NUP35: variants seen among roughly 807,000 people sequenced by gnomAD.
The protein encoded by NUP35 is nucleoporin 35.
In NUP35, 25 loss-of-function variants were observed where a neutral mutation model predicts 41.5. That is an observed-to-expected ratio of 0.60 (90% CI 0.44 to 0.84). The LOEUF (loss-of-function observed/expected upper bound fraction) is 0.84, where lower values mean the gene tolerates loss of function less well. Among genes scored for constraint, NUP35 ranks in the 40% least tolerant of loss-of-function variants. NUP35 has a pLI of 0.00. For synonymous variants in NUP35, 149 were observed against 130.7 expected (o/e 1.14, Z -0.96); for missense variants, 396 against 396.6 (o/e 1.00, Z 0.01).
intron 5 of NUP35, 30 bp downstream of exon 5, chr2:183,151,679 A>G (rs1213195091): frequency 1.3e-6 from 2 of 1,591,378 alleles, no homozygotes; most frequent in Non-Finnish European, 1.7e-6. Context: ...TGCCTTTTAA[A>G]AACCCCACCC....
chr2:183,121,914 T>TA (rs1161419384), upstream of NUP35, among the ~76,000 whole-genome samples: 1 of 136,566 alleles, frequency 7.3e-6, no homozygotes, highest in Non-Finnish European at 1.6e-5. Flanking sequence ...AGGCCATTCT[T>TA]TTTATTATTA....
chr2:183,142,434 T>A (rs1207026371), intron 4 of NUP35, among the ~76,000 whole-genome samples: 3 of 152,026 alleles, frequency 2.0e-5, no homozygotes, highest in Non-Finnish European at 4.4e-5. Flanking sequence ...TGAGAGATTT[T>A]CTCAAATTTT....
intron 5 of NUP35, among the ~76,000 whole-genome samples, chr2:183,157,218 A>G (rs1362758806): frequency 6.6e-6 from 1 of 152,178 alleles, no homozygotes; most frequent in Non-Finnish European, 1.5e-5. Flanking sequence ...GTAGAATCTG[A>G]GGATGGAGAA....
intron 2 of NUP35, among the ~76,000 whole-genome samples, chr2:183,128,774 A>ACGTT (rs1553528561): frequency 6.6e-6 from 1 of 152,142 alleles, no homozygotes; most frequent in Non-Finnish European, 1.5e-5. Flanking sequence ...CCTCATCAAT[A>ACGTT]CATTAATTAA....
intron 1 of NUP35, among the ~76,000 whole-genome samples, chr2:183,117,830 A>G (rs1700009608): frequency 6.6e-6 from 1 of 152,144 alleles, no homozygotes; most frequent in South Asian, 2.1e-4. Flanking sequence ...GATATATTAA[A>G]CTTATTGAAA....
chr2:183,158,329 T>C lies in NUP35; in HGVS notation c.656T>C (p.Leu219Pro). ...NWMHIRYQSK[L>P]QARKALSKDG... ...ATGCATATTCGTTATCAATCTAAAC[T>C]GCAGGCTCGGAAAGCCTTAAGCAAA... Residue 219 changes from leucine to proline, a missense_variant, in exon 7 of 9, where the codon CTG becomes CCG. Physicochemically the swap from Leu to Pro is moderately conservative, Grantham distance 98. Transcript: ENST00000295119. 6.2e-7 allele frequency: 1 copy of C among 1,609,214 alleles called. No homozygotes were observed. Among genetic ancestry groups the C allele is most frequent in the Non-Finnish European group, 8.5e-7 (1 of 1,176,830 alleles).
rs149643141 is a variant in NUP35 at position 183,129,907 on chromosome 2, TTATTATG to T, written c.212-508_212-502del. Among the ~76,000 whole-genome samples, 361 of 152,302 alleles carry T rather than the reference TTATTATG, an allele frequency of 2.4e-3. 2 individuals are homozygous for T. The highest frequency in any genetic ancestry group is 8.3e-3 in the African/African-American group (344 of 41,560). ...AGAACTTGGTCCTTTTACTACATCTTTATTATGTACTTAAATATATTTCTACTGTGAG... is the reference window on the plus strand; with the variant it reads ...AGAACTTGGTCCTTTTACTACATCTTTACTTAAATATATTTCTACTGTGAG... On this transcript the variant is annotated intron_variant, in intron 2 of 8. Transcript: ENST00000295119.
At chr2:183,152,117 A>C (rs1276829839) in intron 5 of NUP35, among the ~76,000 whole-genome samples, 1 of 85,386 alleles carries the variant, frequency 1.2e-5, no homozygotes, top group African/African-American at 5.8e-5. Context: ...ACAAACACAC[A>C]CACACACACA....
chr2:183,118,718 G>A (rs1213584409), intron 1 of NUP35: 1 of 152,164 alleles, frequency 6.6e-6, no homozygotes, highest in Non-Finnish European at 1.5e-5. Context: ...AAGAGACCAA[G>A]ACAAGTTTTA....
intron 1 of NUP35, among the ~76,000 whole-genome samples, chr2:183,124,757 G>T (rs1248940208): frequency 6.6e-6 from 1 of 152,172 alleles, no homozygotes; most frequent in Non-Finnish European, 1.5e-5. Context: ...CTGTGTTTGT[G>T]CCCCCACACG....
chr2:183,125,892 TGAG>T (rs773962115), intron 1 of NUP35, among the ~76,000 whole-genome samples: 1 of 152,206 alleles, frequency 6.6e-6, no homozygotes, highest in Non-Finnish European at 1.5e-5. Flanking sequence ...GAAATGGAAT[TGAG>T]GACATGCAGC....
At position 183,124,507 on chromosome 2, in the gene NUP35, A is replaced by G. The variant is rs1267684360; in HGVS notation, c.40+10A>G. The G allele has an allele frequency of 6.2e-7, 1 of 1,613,934 alleles. No individual in the cohort carries two copies. Among genetic ancestry groups the G allele is most frequent in the African/African-American group, 1.3e-5 (1 of 74,926 alleles). On this transcript the variant is annotated intron_variant, in intron 1 of 8. Transcript: ENST00000295119. ...CAGGGGCCCGCGTTAGGTGAGTGAA[A>G]TATTGCTTTTCCTTGCTGGCACTGC... is the stretch of plus-strand genomic sequence containing the variant.
chr2:183,155,885 A>T (rs778773424), intron 5 of NUP35, among the ~76,000 whole-genome samples: 6 of 151,940 alleles, frequency 3.9e-5, no homozygotes. Context: ...CCAGCTGTTT[A>T]TTTTTTTACT....
At chr2:183,121,912 C>A (rs1419574925), upstream of NUP35, among the ~76,000 whole-genome samples, 1 of 41,866 alleles carries the variant, frequency 2.4e-5, no homozygotes, top group Non-Finnish European at 6.6e-5. Flanking sequence ...AAAGGCCATT[C>A]TTTTTATTAT....
intron 5 of NUP35, among the ~76,000 whole-genome samples, chr2:183,151,876 A>AT (rs1253435387): frequency 6.6e-6 from 1 of 152,110 alleles, no homozygotes; most frequent in Admixed American, 6.5e-5. Flanking sequence ...ATCAATACAT[A>AT]TTACCCTGAC....
chr2:183,128,251 C>G (rs1684567742), intron 1 of NUP35, 36 bp from the exon 2 acceptor site: 1 of 1,477,074 alleles, frequency 6.8e-7, no homozygotes, highest in African/African-American at 1.4e-5. Flanking sequence ...GAAACTGTAA[C>G]AGAAAAGTCC....
rs1383815909 is a variant in NUP35 at position 183,159,484 on chromosome 2, C to G, written c.739-4C>G. The stretch of plus-strand genomic sequence containing the variant: ...ACAAAGGAGTTATTTCTTTGTTTCT[C>G]CAGAGTGTTATGGAAAGCAGTGACA... On this transcript the variant is annotated splice_polypyrimidine_tract_variant and splice_region_variant and intron_variant, in intron 7 of 8. Transcript: ENST00000295119. The G allele has an allele frequency of 6.2e-7, 1 of 1,610,512 alleles. No homozygotes were observed. The highest frequency in any genetic ancestry group is 8.5e-7 in the Non-Finnish European group (1 of 1,178,170).
intron 4 of NUP35, among the ~76,000 whole-genome samples, chr2:183,141,305 C>T (rs1377059479): frequency 6.6e-6 from 1 of 152,180 alleles, no homozygotes; most frequent in South Asian, 2.1e-4. Context: ...ATCTCCCCAT[C>T]TGAGGATCTG....
intron 5 of NUP35, among the ~76,000 whole-genome samples, chr2:183,157,102 A>G (rs949520544): frequency 6.6e-6 from 1 of 152,242 alleles, no homozygotes; most frequent in African/African-American, 2.4e-5. Flanking sequence ...ATTACATATT[A>G]ACATACACAT....
Sources: gnomAD v4.1 joint callset for allele counts (sites outside exome capture counted in the v4.1 genomes callset) on GRCh38, gnomAD v4.1.1 for gene constraint, MANE v1.5 for transcripts, NCBI Gene and HGNC (gene_info 2026-07-23, HGNC 2026-07-21) for gene names.